EIF2B3: variants seen among roughly 807,000 people sequenced by gnomAD.
The protein encoded by EIF2B3 is translation initiation factor eIF2B subunit gamma.
A neutral mutation model predicts 54.1 loss-of-function variants in EIF2B3; 20 were observed. The ratio of observed to expected loss-of-function variants is 0.37; its 90% CI spans 0.26 to 0.54. The LOEUF is 0.54. Ranked by LOEUF, EIF2B3 falls within the 20% of genes least tolerant of loss-of-function variation. The probability of loss-of-function intolerance (pLI) is 0.86; values close to 1 mark genes in which losing one functional copy is unlikely to be tolerated. For missense variants in EIF2B3, 448 were observed against 547.8 expected, an observed-to-expected ratio of 0.82 and a Z score of 1.82; for synonymous variants, 153 against 188.1, an observed-to-expected ratio of 0.81 and a Z score of 1.52.
chr1:44,966,553 A>G (rs1378009919), intron 3 of EIF2B3, among the ~76,000 whole-genome samples: 1 of 152,050 alleles, frequency 6.6e-6, no homozygotes, highest in Non-Finnish European at 1.5e-5. Flanking sequence ...ACCAGAAAAG[A>G]CAGATAAAAC....
At chr1:44,910,616 C>T (rs1285103120) in intron 5 of EIF2B3, among the ~76,000 whole-genome samples, 1 of 147,632 alleles carries the variant, frequency 6.8e-6, no homozygotes, top group Admixed American at 6.8e-5. Context: ...TCCCTCCCCA[C>T]CCCCCCAAGT....
chr1:44,979,396 G>C (rs973631059), intron 2 of EIF2B3, among the ~76,000 whole-genome samples: 24 of 150,096 alleles, frequency 1.6e-4, no homozygotes, highest in African/African-American at 5.6e-4. Flanking sequence ...AAACACTCTG[G>C]GAAGCCAAGG....
At chr1:44,949,259 G>T (rs1347673700) in intron 3 of EIF2B3, among the ~76,000 whole-genome samples, 1 of 152,052 alleles carries the variant, frequency 6.6e-6, no homozygotes, top group Non-Finnish European at 1.5e-5. Flanking sequence ...TCAAAATTCA[G>T]GTCTTGTCAC....
intron 4 of EIF2B3, among the ~76,000 whole-genome samples, chr1:44,930,256 C>T (rs116031043): frequency 1.6e-3 from 241 of 152,192 alleles, no homozygotes; most frequent in African/African-American, 5.2e-3. Flanking sequence ...TTTATAAGGC[C>T]AGCATGATCC....
intron 8 of EIF2B3, among the ~76,000 whole-genome samples, chr1:44,877,304 G>A (rs1655227225): frequency 6.6e-6 from 1 of 151,674 alleles, no homozygotes; most frequent in Non-Finnish European, 1.5e-5. Context: ...GGGGGAGCAG[G>A]AGGCTGCTGC....
chr1:44,955,581 C>G (rs1170813778), intron 3 of EIF2B3, among the ~76,000 whole-genome samples: 1 of 151,994 alleles, frequency 6.6e-6, no homozygotes, highest in East Asian at 1.9e-4. Context: ...AACAAGCAAC[C>G]TACAGAATGG....
intron 5 of EIF2B3, among the ~76,000 whole-genome samples, chr1:44,899,717 G>C (rs1643233130): frequency 6.6e-6 from 1 of 152,206 alleles, no homozygotes. Flanking sequence ...AAAAAGAAAT[G>C]TTTATATACT....
intron 1 of EIF2B3, among the ~76,000 whole-genome samples, chr1:44,984,721 T>C (rs1016466246): frequency 4.0e-5 from 6 of 151,838 alleles, no homozygotes; most frequent in Non-Finnish European, 7.4e-5. Flanking sequence ...ATGGGGATAA[T>C]TATAGTTTCA....
Position 44,879,939 on chromosome 1 carries a change from C to G in EIF2B3, c.854G>C (p.Cys285Ser). 6.2e-7 allele frequency: 1 copy of G among 1,614,202 alleles called. No homozygotes were observed. The highest frequency in any genetic ancestry group is 8.5e-7 in the Non-Finnish European group (1 of 1,180,042). ...CAAGTCTTCCCACCTGTCTCCTCGA[C>G]AGGCATTCCAGCAGGCATCATAGGG... is the stretch of plus-strand genomic sequence containing the variant. The part of the protein sequence containing the change: ...LAPYDACWNA[C>S]RGDRWEDLSR... Residue 285 changes from cysteine to serine, a missense_variant, in exon 8 of 12, where the codon TGT becomes TCT. Transcript: ENST00000360403.
chr1:44,961,620 G>A (rs1644285699), intron 3 of EIF2B3, among the ~76,000 whole-genome samples: 1 of 152,142 alleles, frequency 6.6e-6, no homozygotes, highest in African/African-American at 2.4e-5. Flanking sequence ...TCTCCTTATA[G>A]AGTAGATCTA....
At chr1:44,941,365 AT>A in intron 4 of EIF2B3, 140 bp downstream of exon 4, 4 of 975,012 alleles carry the variant, frequency 4.1e-6, no homozygotes, top group Non-Finnish European at 6.0e-6. Flanking sequence ...ACTGTGTCTT[AT>A]TTGACTTTAT....
rs1654436047 is a variant in EIF2B3, at chr1:44,856,412, G to C, written c.1306+1292C>G. The stretch of plus-strand genomic sequence containing the variant: ...CCCCTGTAGTCTCAGCTGCCCGGGA[G>C]GCTGAGGCACAAGAACCACCTGGAT... On this transcript the variant is annotated intron_variant, in intron 11 of 11. Coordinates refer to ENST00000360403, the MANE Select transcript of EIF2B3 (RefSeq NM_020365.5). 2.0e-5 allele frequency among the ~76,000 whole-genome samples: 3 copies of C among 151,728 alleles called. No homozygotes were observed. In the South Asian group the frequency reaches 6.3e-4, roughly 32 times the overall value.
chr1:44,885,101 C>T (rs575595422), intron 6 of EIF2B3, among the ~76,000 whole-genome samples: 1 of 152,330 alleles, frequency 6.6e-6, no homozygotes, highest in South Asian at 2.1e-4. Context: ...TTGCTGGATA[C>T]AGTGCCCTGG....
At chr1:44,960,499 C>T (rs1309544128) in intron 3 of EIF2B3, among the ~76,000 whole-genome samples, 13 of 151,898 alleles carry the variant, frequency 8.6e-5, no homozygotes, top group African/African-American at 3.1e-4. Context: ...ATTAGCCAGG[C>T]GAGGTGGCGG....
chr1:44,895,913 A>G lies in EIF2B3; in HGVS notation c.656+1442T>C, dbSNP rs539102254. Among the ~76,000 whole-genome samples, 3 of 152,308 alleles carry G rather than the reference A, an allele frequency of 2.0e-5. No homozygotes were observed. The East Asian group carries it at 5.8e-4, about 29-fold the overall frequency. Reference sequence around the variant, plus strand: ...CTATCAAGGCCTAGGCTCATTTCATATGGCTTCATTTTTATTTGGGAGTGA... The same window carrying G: ...CTATCAAGGCCTAGGCTCATTTCATGTGGCTTCATTTTTATTTGGGAGTGA... On this transcript the variant is annotated intron_variant, in intron 6 of 11. Coordinates refer to ENST00000360403, the MANE Select transcript of EIF2B3 (RefSeq NM_020365.5).
intron 5 of EIF2B3, among the ~76,000 whole-genome samples, chr1:44,926,368 A>C (rs1388273614): frequency 6.6e-6 from 1 of 152,136 alleles, no homozygotes; most frequent in Non-Finnish European, 1.5e-5. Context: ...CACTGTCAGA[A>C]AGACAGTCCT....
At chr1:44,968,047 T>TAAAAAAAAATAA (rs1553180212) in intron 3 of EIF2B3, among the ~76,000 whole-genome samples, 2 of 145,768 alleles carry the variant, frequency 1.4e-5, no homozygotes, top group African/African-American at 2.5e-5. Context: ...TGAAAATAAA[T>TAAAAAAAAATAA]AAATAAAAAT....
At chr1:44,870,513 A>T (rs1396694121) in intron 10 of EIF2B3, among the ~76,000 whole-genome samples, 1 of 151,954 alleles carries the variant, frequency 6.6e-6, no homozygotes, top group East Asian at 1.9e-4. Flanking sequence ...GTCTCCTTAG[A>T]TTCCTTTTCT....
At chr1:44,919,470 G>A (rs1643692244) in intron 5 of EIF2B3, among the ~76,000 whole-genome samples, 1 of 152,010 alleles carries the variant, frequency 6.6e-6, no homozygotes, top group African/African-American at 2.4e-5. Flanking sequence ...TTTTCTAGGT[G>A]CTTACCAATA....
Sources: gnomAD v4.1 joint callset for allele counts (sites outside exome capture counted in the v4.1 genomes callset) on GRCh38, gnomAD v4.1.1 for gene constraint, MANE v1.5 for transcripts, NCBI Gene and HGNC (gene_info 2026-07-23, HGNC 2026-07-21) for gene names.